Variants in TRIM44 observed in about 807,000 individuals in gnomAD.
The protein encoded by TRIM44 is tripartite motif-containing protein 44.
A neutral mutation model predicts 37.4 loss-of-function variants in TRIM44; 13 were observed. That is an observed-to-expected ratio of 0.35 (90% CI 0.23 to 0.55). The LOEUF (loss-of-function observed/expected upper bound fraction) is 0.55, where lower values mean the gene tolerates loss of function less well. Ranked by LOEUF, TRIM44 falls within the 20% of genes least tolerant of loss-of-function variation. The pLI, the probability that TRIM44 is intolerant of heterozygous loss-of-function variation, is 0.89. For missense variants in TRIM44, 426 were observed against 437.2 expected (o/e 0.97, Z 0.23); for synonymous variants, 175 against 157.2 (o/e 1.11, Z -0.85).
rs1177877000 is a variant in TRIM44, at chr11:35,807,594, C to T, written c.*1209C>T. ...AGGGATGTACTAGGGGAATGTAAAA[C>T]TGCAAACTTAAAAACCTGCATCTTC... On this transcript the variant is annotated 3_prime_UTR_variant, in exon 5 of 5. Transcript: ENST00000299413. The T allele has an allele frequency of 6.6e-6, 1 of 152,162 alleles. No homozygotes were observed. Among genetic ancestry groups the T allele is most frequent in the African/African-American group, 2.4e-5 (1 of 41,432 alleles). The allele number at this position is 152,162 out of a possible 1,614,324, so 9.4% of individuals were successfully genotyped here. A position where few individuals can be genotyped will look rare whatever the true frequency, so the allele number is the denominator to read the frequency against.
chr11:35,707,362 C>T (rs550766111), intron 2 of TRIM44, among the ~76,000 whole-genome samples: 7,076 of 152,130 alleles, frequency 0.047, 553 homozygotes, highest in African/African-American at 0.16. Flanking sequence ...AGATTCAATG[C>T]CATCCCCATG....
rs1023240830 is a variant in TRIM44, at chr11:35,816,128, A to G, written c.*9743A>G. The G allele has an allele frequency of 6.6e-6, 1 of 151,968 alleles. No homozygotes were observed. Among genetic ancestry groups the G allele is most frequent in the African/African-American group, 2.4e-5 (1 of 41,350 alleles). 9.4% of individuals were successfully genotyped at this position (151,968 alleles called of 1,614,324 possible). On this transcript the variant is annotated 3_prime_UTR_variant, in exon 5 of 5. Transcript: ENST00000299413. ...CCCTGCCTCTACTCCTCCGCCTCCT[A>G]TTCTTCCGGCCTTTCCATCTGGAAA...
chr11:35,692,418 T>C (rs1052197588), intron 2 of TRIM44, among the ~76,000 whole-genome samples: 7 of 152,200 alleles, frequency 4.6e-5, no homozygotes, highest in Non-Finnish European at 1.0e-4. Flanking sequence ...GTATCCCTTA[T>C]CTGAAATGTT....
chr11:35,804,296 C>T (rs560622049), intron 4 of TRIM44, among the ~76,000 whole-genome samples: 1 of 152,252 alleles, frequency 6.6e-6, no homozygotes, highest in East Asian at 1.9e-4. Flanking sequence ...AGCCACTCTC[C>T]AAATATTATA....
At chr11:35,670,987 T>C (rs959768436) in intron 1 of TRIM44, among the ~76,000 whole-genome samples, 4 of 152,246 alleles carry the variant, frequency 2.6e-5, no homozygotes, top group Admixed American at 2.0e-4. Flanking sequence ...CATTTACTTA[T>C]TGGCAAGAGA....
rs1434705076 is a variant in TRIM44 at position 35,663,857 on chromosome 11, C to T, written c.669+77C>T. 1.8e-5 allele frequency: 27 copies of T among 1,489,120 alleles called. No homozygotes were observed. The Middle Eastern group carries it at 1.1e-3, about 59-fold the overall frequency. 92.2% of individuals were successfully genotyped at this position (1,489,120 alleles called of 1,614,324 possible). A position where few individuals can be genotyped will look rare whatever the true frequency, so the allele number is the denominator to read the frequency against. On this transcript the variant is annotated intron_variant, in intron 1 of 4. Transcript: ENST00000299413. ...TCAACTCAGGTGGCCTGGCTGTGAC[C>T]ACATTCGCTTTCACTGTGTCCCTAA...
At chr11:35,805,628 T>A (rs929326865) in intron 4 of TRIM44, among the ~76,000 whole-genome samples, 1 of 152,220 alleles carries the variant, frequency 6.6e-6, no homozygotes, top group African/African-American at 2.4e-5. Flanking sequence ...CACTTCCTTT[T>A]AAAAACCAAT....
At chr11:35,706,527 A>T (rs1325217366) in intron 2 of TRIM44, among the ~76,000 whole-genome samples, 1 of 152,214 alleles carries the variant, frequency 6.6e-6, no homozygotes, top group Non-Finnish European at 1.5e-5. Context: ...AATACTGGCA[A>T]ACCGAATCCA....
intron 2 of TRIM44, among the ~76,000 whole-genome samples, chr11:35,712,346 T>G (rs938662113): frequency 6.6e-6 from 1 of 152,198 alleles, no homozygotes; most frequent in Non-Finnish European, 1.5e-5. Flanking sequence ...ATAACTTTAC[T>G]TAAAGTTATT....
chr11:35,690,591 G>C (rs774183433), intron 2 of TRIM44, among the ~76,000 whole-genome samples: 1 of 152,208 alleles, frequency 6.6e-6, no homozygotes, highest in Non-Finnish European at 1.5e-5. Context: ...CAGCTATCAA[G>C]TTGTTACATA....
chr11:35,749,167 G>C (rs1852531130), intron 4 of TRIM44, among the ~76,000 whole-genome samples: 1 of 152,086 alleles, frequency 6.6e-6, no homozygotes, highest in Non-Finnish European at 1.5e-5. Flanking sequence ...CATTGTCTTT[G>C]GTGCTAGGGA....
chr11:35,773,800 C>T (rs1056959111), intron 4 of TRIM44, among the ~76,000 whole-genome samples: 1 of 152,212 alleles, frequency 6.6e-6, no homozygotes, highest in Non-Finnish European at 1.5e-5. Flanking sequence ...AGGACAAGAA[C>T]TCATCCTTTT....
intron 4 of TRIM44, among the ~76,000 whole-genome samples, chr11:35,756,779 G>T (rs188776145): frequency 5.9e-5 from 9 of 152,164 alleles, no homozygotes; most frequent in East Asian, 3.9e-4. Context: ...GGTTTTTGTC[G>T]TTGGTTCTGT....
chr11:35,697,289 C>T (rs1851716543), intron 2 of TRIM44, among the ~76,000 whole-genome samples: 2 of 148,188 alleles, frequency 1.3e-5, no homozygotes, highest in African/African-American at 5.0e-5. Flanking sequence ...GTTGAGTTCC[C>T]ACCTATGAGT....
intron 4 of TRIM44, among the ~76,000 whole-genome samples, chr11:35,797,110 A>G (rs556734320): frequency 2.6e-5 from 4 of 152,296 alleles, no homozygotes; most frequent in African/African-American, 9.6e-5. Context: ...AGTGCTAGAA[A>G]GTAGGGAAGT....
chr11:35,699,392 A>G (rs1448143157), intron 2 of TRIM44, among the ~76,000 whole-genome samples: 1 of 152,192 alleles, frequency 6.6e-6, no homozygotes, highest in African/African-American at 2.4e-5. Flanking sequence ...ACCTTTGACA[A>G]AATTCAACAA....
chr11:35,726,820 C>T (rs1177458079), intron 3 of TRIM44, among the ~76,000 whole-genome samples: 2 of 151,512 alleles, frequency 1.3e-5, no homozygotes, highest in Admixed American at 1.3e-4. Flanking sequence ...CATATTTAGG[C>T]ATTTTGAATC....
At chr11:35,681,952 C>CTTTTTTTTTT (rs35760830) in intron 1 of TRIM44, among the ~76,000 whole-genome samples, 1 of 101,366 alleles carries the variant, frequency 9.9e-6, no homozygotes, top group Non-Finnish European at 1.9e-5. Context: ...ATGTCCCATA[C>CTTTTTTTTTT]TTTTTTTTTT....
rs1853476490 is a variant in TRIM44 at position 35,807,976 on chromosome 11, T to C, written c.*1591T>C. Reference sequence around the variant, plus strand: ...GTCTGCCTGTGACCTGTGTACGTATTACAGGCTTTAGGACCAGCTGATTGT... The same window carrying C: ...GTCTGCCTGTGACCTGTGTACGTATCACAGGCTTTAGGACCAGCTGATTGT... On this transcript the variant is annotated 3_prime_UTR_variant, in exon 5 of 5. Transcript: ENST00000299413. 6.6e-6 allele frequency: 1 copy of C among 152,184 alleles called. No individual in the cohort carries two copies. The highest frequency in any genetic ancestry group is 2.4e-5 in the African/African-American group (1 of 41,462). The allele number at this position is 152,184 out of a possible 1,614,324, so 9.4% of individuals were successfully genotyped here. A position where few individuals can be genotyped will look rare whatever the true frequency, so the allele number is the denominator to read the frequency against.
Sources: gnomAD v4.1 joint callset for allele counts (sites outside exome capture counted in the v4.1 genomes callset) on GRCh38, gnomAD v4.1.1 for gene constraint, MANE v1.5 for transcripts, NCBI Gene and HGNC (gene_info 2026-07-23, HGNC 2026-07-21) for gene names.